Variants in SLIT1 observed in about 807,000 individuals in gnomAD.
SLIT1 encodes the protein slit homolog 1 protein.
SLIT1 carries 66 observed loss-of-function variants against 186.1 expected under a neutral mutation model. That is an observed-to-expected ratio of 0.35 (90% CI 0.29 to 0.44). The LOEUF (loss-of-function observed/expected upper bound fraction) is 0.44. Among genes scored for constraint, SLIT1 ranks in the 20% least tolerant of loss-of-function variants. The probability of loss-of-function intolerance (pLI) is 1.00; values close to 1 mark genes in which losing one functional copy is unlikely to be tolerated. For missense variants in SLIT1, 1,638 were observed against 2,037.4 expected (o/e 0.80, Z 3.77); for synonymous variants, 761 against 833.8 (o/e 0.91, Z 1.50).
chr10:97,083,716 A>G (rs952872), intron 4 of SLIT1, among the ~76,000 whole-genome samples: 141,555 of 152,222 alleles, frequency 0.93, 65,972 homozygotes, highest in Middle Eastern at 1. Context: ...TGCCTCCCAG[A>G]ATTCCTATGA....
In SLIT1 at chr10:97,046,283, C is replaced by A. The variant is rs556656635; in HGVS notation, c.1853+371G>T. ...GCATCCCTGCTCCCCTATCTACACC[C>A]ACTGAATCACCTTGGCAAGGTCATC... On this transcript the variant is annotated intron_variant, in intron 18 of 36. Transcript: ENST00000266058. Among the ~76,000 whole-genome samples, 224 of 152,250 alleles carry A rather than the reference C, an allele frequency of 1.5e-3. 1 individual carries two copies. Among genetic ancestry groups the A allele is most frequent in the Admixed American group, 4.1e-3 (62 of 15,302 alleles).
chr10:97,132,716 G>A (rs747757379), intron 4 of SLIT1, among the ~76,000 whole-genome samples: 5 of 152,250 alleles, frequency 3.3e-5, no homozygotes, highest in African/African-American at 4.8e-5. Context: ...ACTACTAGGC[G>A]CCCTGCACAT....
At chr10:97,059,111 T>C (rs556331365) in intron 11 of SLIT1, among the ~76,000 whole-genome samples, 2 of 152,334 alleles carry the variant, frequency 1.3e-5, no homozygotes, top group African/African-American at 4.8e-5. Context: ...GAGCACAGCA[T>C]GCTGGGCTTC....
intron 24 of SLIT1, among the ~76,000 whole-genome samples, chr10:97,031,202 C>CT (rs61163064): frequency 0.2 from 30,300 of 152,140 alleles, 4,022 homozygotes; most frequent in African/African-American, 0.37. Context: ...GGTGGGCTGA[C>CT]TGAGGCCATC....
intron 4 of SLIT1, among the ~76,000 whole-genome samples, chr10:97,097,469 G>A (rs191485414): frequency 2.0e-3 from 306 of 152,322 alleles, no homozygotes; most frequent in Non-Finnish European, 2.2e-3. Context: ...AGACGGTGGC[G>A]GTGGGGTGGG....
chr10:97,035,649 T>A (rs1308637739), intron 22 of SLIT1, among the ~76,000 whole-genome samples: 4 of 152,186 alleles, frequency 2.6e-5, no homozygotes, highest in Non-Finnish European at 5.9e-5. Flanking sequence ...CAGAGCAATT[T>A]CTCTATGACA....
chr10:97,073,425 C>T (rs899607455), intron 4 of SLIT1, among the ~76,000 whole-genome samples: 8 of 152,276 alleles, frequency 5.3e-5, no homozygotes, highest in African/African-American at 1.9e-4. Context: ...GCGGGATCTG[C>T]GACTGGAAGG....
chr10:97,179,901 T>C (rs1850311382), intron 1 of SLIT1, among the ~76,000 whole-genome samples: 1 of 152,070 alleles, frequency 6.6e-6, no homozygotes, highest in African/African-American at 2.4e-5. Context: ...TTACAGGATT[T>C]GGGAAGAAAA....
In SLIT1 at chr10:97,006,287, G is replaced by A. The variant is rs12569499; in HGVS notation, c.3579+196C>T. On this transcript the variant is annotated intron_variant, in intron 32 of 36. Coordinates refer to ENST00000266058, the MANE Select transcript of SLIT1 (RefSeq NM_003061.3). The surrounding 1 kb of genome is among the most constrained non-coding windows in gnomAD (Gnocchi z 4.0). Reference sequence around the variant, plus strand: ...CCATGTCCACCCCTGCCCTGGTTTTGTGACACTATAACCTTTCTAATTGTG... The same window carrying A: ...CCATGTCCACCCCTGCCCTGGTTTTATGACACTATAACCTTTCTAATTGTG... Among the ~76,000 whole-genome samples the A allele has an allele frequency of 1.1e-4, 16 of 152,338 alleles. No individual in the cohort carries two copies. In the East Asian group the frequency reaches 3.1e-3, roughly 29 times the overall value.
intron 4 of SLIT1, among the ~76,000 whole-genome samples, chr10:97,122,668 A>G (rs902475): frequency 0.53 from 80,927 of 151,954 alleles, 22,721 homozygotes; most frequent in South Asian, 0.69. Flanking sequence ...TGAGGAAGGC[A>G]CATCTGAGAG....
chr10:97,064,126 C>G (rs185438162), intron 7 of SLIT1, 42 bp downstream of exon 7: 6 of 1,539,406 alleles, frequency 3.9e-6, no homozygotes, highest in Non-Finnish European at 4.5e-6. Context: ...TGGCATCAAC[C>G]GGGCTTGGCT....
rs79446942 is a variant in SLIT1, at chr10:97,081,801, C to A, written c.414-15715G>T. Among the ~76,000 whole-genome samples, 20 of 152,322 alleles carry A rather than the reference C, an allele frequency of 1.3e-4. 1 individual carries two copies. The East Asian group carries it at 3.9e-3, about 29-fold the overall frequency. ...AAAAGCCCAGAGGAGCTACGAGGAA[C>A]CACAAGGAGTCGCTGTCTGGGGAGC... On this transcript the variant is annotated intron_variant, in intron 4 of 36. Transcript: ENST00000266058.
At chr10:97,160,935 G>T (rs1032401191) in intron 3 of SLIT1, among the ~76,000 whole-genome samples, 3 of 152,118 alleles carry the variant, frequency 2.0e-5, no homozygotes, top group African/African-American at 7.2e-5. Flanking sequence ...TGGCCAGGCT[G>T]GTCTCGAACT....
chr10:97,136,491 T>G (rs775765758), intron 4 of SLIT1, among the ~76,000 whole-genome samples: 2 of 152,172 alleles, frequency 1.3e-5, no homozygotes, highest in African/African-American at 2.4e-5. Flanking sequence ...TTTTGTATCC[T>G]TACTTTTAGA....
At chr10:97,088,954 CA>C (rs1225329821) in intron 4 of SLIT1, among the ~76,000 whole-genome samples, 1 of 152,176 alleles carries the variant, frequency 6.6e-6, no homozygotes, top group African/African-American at 2.4e-5. Context: ...ACTTGTTTAT[CA>C]GATGAGCAGT....
At position 97,056,397 on chromosome 10, in the gene SLIT1, G is replaced by A. The variant is rs753970409; in HGVS notation, c.1225C>T (p.Leu409=). ...DAFQDLQNLS[L]LSLYDNKIQS... is the part of the protein sequence containing the mutation. ...ATCTTGTTGTCATACAGGGAGAGCA[G>A]TGAGAGGTTCTGCAGGTCCTGGAAG... Residue 409 remains leucine (L), a synonymous_variant, in exon 13 of 37, where the codon CTG becomes TTG. Coordinates refer to ENST00000266058, the MANE Select transcript of SLIT1 (RefSeq NM_003061.3). The A allele has an allele frequency of 6.2e-7, 1 of 1,614,212 alleles. No individual in the cohort carries two copies. Among genetic ancestry groups the A allele is most frequent in the East Asian group, 2.2e-5 (1 of 44,888 alleles).
intron 30 of SLIT1, among the ~76,000 whole-genome samples, chr10:97,011,983 T>C (rs1210336241): frequency 6.6e-6 from 1 of 151,966 alleles, no homozygotes. Flanking sequence ...AGCTCAACCA[T>C]GCAACCTGGC....
chr10:97,074,074 C>T (rs1849024337), intron 4 of SLIT1, among the ~76,000 whole-genome samples: 1 of 152,138 alleles, frequency 6.6e-6, no homozygotes, highest in South Asian at 2.1e-4. Flanking sequence ...CCTAGCACCC[C>T]CACTTTTACT....
chr10:97,167,724 C>A (rs894278716), intron 1 of SLIT1, among the ~76,000 whole-genome samples: 10 of 152,198 alleles, frequency 6.6e-5, no homozygotes, highest in African/African-American at 1.9e-4. Context: ...CCCCATGTGT[C>A]ATGGGAGGGA....
Sources: allele counts gnomAD v4.1 joint callset (sites outside exome capture counted in the v4.1 genomes callset), GRCh38; gene constraint gnomAD v4.1.1; non-coding constraint Gnocchi (gnomAD v3.1); transcripts MANE v1.5; gene names NCBI Gene and HGNC (gene_info 2026-07-23, HGNC 2026-07-21).